BNIP5: variants seen among roughly 807,000 people sequenced by gnomAD.
BNIP5 encodes the protein protein BNIP5.
BNIP5 carries 61 observed loss-of-function variants against 67.3 expected under a neutral mutation model. The ratio of observed to expected loss-of-function variants is 0.91; its 90% CI spans 0.74 to 1.12. BNIP5 has a LOEUF of 1.12. Among genes scored for constraint, BNIP5 ranks in the 50% most tolerant of loss-of-function variants. The pLI is 0.00. For missense variants in BNIP5, 826 were observed against 816.3 expected (o/e 1.01, Z -0.14); for synonymous variants, 317 against 319.0 (o/e 0.99, Z 0.07).
At chr6:36,327,327 T>G (rs1209821839) in intron 3 of BNIP5, among the ~76,000 whole-genome samples, 1 of 152,196 alleles carries the variant, frequency 6.6e-6, no homozygotes, top group Non-Finnish European at 1.5e-5. Context: ...CTTCAGGCAT[T>G]CAACCTGTGC....
intron 1 of BNIP5, among the ~76,000 whole-genome samples, chr6:36,331,824 G>A (rs954654491): frequency 1.3e-5 from 2 of 151,972 alleles, no homozygotes; most frequent in Non-Finnish European, 2.9e-5. Flanking sequence ...GCCACTGCTG[G>A]CCTCCTTTCT....
At chr6:36,323,145 A>C in intron 8 of BNIP5, 148 bp downstream of exon 8, 1 of 1,161,838 alleles carries the variant, frequency 8.6e-7, no homozygotes. Context: ...CACACCCCCC[A>C]CTCTACTCAG....
intron 1 of BNIP5, 119 bp from the exon 2 acceptor site, chr6:36,330,813 G>A (rs1771888943): frequency 1.5e-6 from 2 of 1,314,000 alleles, no homozygotes; most frequent in African/African-American, 1.5e-5. Context: ...GCCCAGGCTG[G>A]AGTGCAGTGG....
chr6:36,329,485 C>T (rs769145336), intron 2 of BNIP5, among the ~76,000 whole-genome samples: 17 of 152,184 alleles, frequency 1.1e-4, no homozygotes, highest in African/African-American at 2.9e-4. Flanking sequence ...CTCCCTGGAG[C>T]GCTCAGCCAC....
At chr6:36,328,184 G>T (rs1771806127) in intron 3 of BNIP5, among the ~76,000 whole-genome samples, 1 of 152,144 alleles carries the variant, frequency 6.6e-6, no homozygotes, top group Non-Finnish European at 1.5e-5. Context: ...AAATGATTCA[G>T]CAACAAAATG....
intron 10 of BNIP5, among the ~76,000 whole-genome samples, chr6:36,320,029 T>C (rs1302078239): frequency 1.3e-5 from 2 of 152,232 alleles, no homozygotes; most frequent in Non-Finnish European, 2.9e-5. Context: ...AACCCCAGGA[T>C]TGCTGGGCGG....
chr6:36,336,017 A>G (rs1160951678), intron 1 of BNIP5, among the ~76,000 whole-genome samples: 1 of 152,182 alleles, frequency 6.6e-6, no homozygotes, highest in Non-Finnish European at 1.5e-5. Context: ...GCCTAGGTAT[A>G]GACACCCATG....
Position 36,325,418 on chromosome 6 carries a change from A to C in BNIP5, c.1037-4T>G. 1 of 1,608,262 alleles carries C rather than the reference A, an allele frequency of 6.2e-7. No individual in the cohort carries two copies. Among genetic ancestry groups the C allele is most frequent in the Non-Finnish European group, 8.5e-7 (1 of 1,177,716 alleles). On this transcript the variant is annotated splice_polypyrimidine_tract_variant and splice_region_variant and intron_variant, in intron 5 of 11. Transcript: ENST00000437635. ...TGGACTTTAGGTTCTTCCAAGCCTG[A>C]GAAGCAGAAGGAGAACGAGGGTGTG... is the stretch of plus-strand genomic sequence containing the variant.
chr6:36,326,392 G>C (rs1771760970), intron 5 of BNIP5, 118 bp downstream of exon 5: 2 of 1,288,186 alleles, frequency 1.6e-6, no homozygotes, highest in Non-Finnish European at 2.1e-6. Context: ...TCAGGGCAGA[G>C]TGCAAAAGTC....
At position 36,330,551 on chromosome 6, in the gene BNIP5, G is replaced by T; in HGVS notation, c.140C>A (p.Ala47Glu). ...LSLPTAPSRK[A>E]LHWTTSDWAR... ...CCAATCACTGGTCGTCCAGTGAAGC[G>T]CCTTCCTGGAGGGGGCAGTGGGCAG... Residue 47 changes from alanine to glutamate, a missense_variant, in exon 2 of 12, where the codon GCG becomes GAG. Ala to Glu is a moderately radical substitution (Grantham distance 107, BLOSUM62 -1). Transcript: ENST00000437635. 6.2e-7 allele frequency: 1 copy of T among 1,613,924 alleles called. No individual in the cohort carries two copies. Among genetic ancestry groups the T allele is most frequent in the South Asian group, 1.1e-5 (1 of 91,086 alleles).
At chr6:36,326,457 C>T (rs1771762283) in intron 5 of BNIP5, 53 bp downstream of exon 5, 1 of 1,607,450 alleles carries the variant, frequency 6.2e-7, no homozygotes, top group Non-Finnish European at 8.5e-7. Flanking sequence ...AGGGAAGGTT[C>T]CAGAGCTGGA....
At position 36,330,066 on chromosome 6, in the gene BNIP5, G is replaced by A. The variant is rs200435716; in HGVS notation, c.610+15C>T. 53 of 1,582,896 alleles carry A rather than the reference G, an allele frequency of 3.3e-5. No homozygotes were observed. In the South Asian group the frequency reaches 4.6e-4, roughly 14 times the overall value. Reference sequence around the variant, plus strand: ...ACCCTAGGGGTTGCCATAGGAACAGGCACGGTCCGCTCACCCCTGCGAGCT... The same window carrying A: ...ACCCTAGGGGTTGCCATAGGAACAGACACGGTCCGCTCACCCCTGCGAGCT... On this transcript the variant is annotated intron_variant, in intron 2 of 11. Transcript: ENST00000437635.
Position 36,319,586 on chromosome 6 carries a change from T to C in BNIP5, c.1693A>G (p.Arg565Gly). 1.2e-6 allele frequency: 2 copies of C among 1,612,614 alleles called. No individual in the cohort carries two copies. The highest frequency in any genetic ancestry group is 1.7e-6 in the Non-Finnish European group (2 of 1,178,774). ...QQIRRHPSFK[R>G]FFYEFSDSSL... The stretch of plus-strand genomic sequence containing the variant: ...GAGTCCGAGAACTCGTAAAAAAACC[T>C]CTTAAAGCTGGGGTGGCGCCTGATC... Residue 565 changes from arginine (R) to glycine (G), a missense_variant, in exon 11 of 12, where the codon AGG becomes GGG. Transcript: ENST00000437635.
At chr6:36,319,260 G>A in intron 11 of BNIP5, 96 bp downstream of exon 11, 1 of 1,464,132 alleles carries the variant, frequency 6.8e-7, no homozygotes, top group South Asian at 1.3e-5. Context: ...CTGAGCAGGG[G>A]AGGGGAGAGG....
chr6:36,324,392 G>C (rs1403370536), intron 6 of BNIP5, among the ~76,000 whole-genome samples: 2 of 150,764 alleles, frequency 1.3e-5, no homozygotes, highest in East Asian at 2.0e-4. Context: ...AGACACCCAG[G>C]AGGAGGCCCC....
rs1771503090 is a variant in BNIP5 at position 36,315,825 on chromosome 6, C to A, written c.*1531G>T. On this transcript the variant is annotated 3_prime_UTR_variant, in exon 12 of 12. Transcript: ENST00000437635. ...AAAAATGAGACTCAGATGCCAGCAT[C>A]AGGAGCACATACCAAATACTCATAG... 1 of 152,630 alleles carries A rather than the reference C, an allele frequency of 6.6e-6. No individual in the cohort carries two copies. Among genetic ancestry groups the A allele is most frequent in the Non-Finnish European group, 1.5e-5 (1 of 68,036 alleles). The allele number at this position is 152,630 out of a possible 1,614,324, so 9.5% of individuals were successfully genotyped here.
rs2127363960 is a variant in BNIP5 at position 36,322,308 on chromosome 6, G to A, written c.1603+3C>T. 1.9e-6 allele frequency: 3 copies of A among 1,614,036 alleles called. No homozygotes were observed. The highest frequency in any genetic ancestry group is 1.7e-6 in the Non-Finnish European group (2 of 1,179,980). ...TCCAGGTAAGAGCAGGGGTGTTACTGACTAGATTCACATGCTCCACTCAGC... is the reference window on the plus strand; with the variant it reads ...TCCAGGTAAGAGCAGGGGTGTTACTAACTAGATTCACATGCTCCACTCAGC... On this transcript the variant is annotated splice_donor_region_variant and intron_variant, in intron 9 of 11. Coordinates refer to ENST00000437635, the MANE Select transcript of BNIP5 (RefSeq NM_001010903.5).
intron 1 of BNIP5, among the ~76,000 whole-genome samples, chr6:36,335,850 A>G (rs914904273): frequency 5.3e-5 from 8 of 152,188 alleles, no homozygotes; most frequent in Non-Finnish European, 1.2e-4. Context: ...TACATTCTCT[A>G]TTCTACACCA....
Position 36,330,578 on chromosome 6 carries a change from G to A in BNIP5, c.113C>T (p.Ser38Phe). Residue 38 changes from serine (S) to phenylalanine (F), a missense_variant, in exon 2 of 12, where the codon TCC (serine) becomes TTC (phenylalanine). By Grantham distance (155) the Ser-to-Phe change is radical. Transcript: ENST00000437635. ...CTTCCTGGAGGGGGCAGTGGGCAGG[G>A]AGAGCCAATGGCAGTCCCACGACTC... ...GSESWDCHWL[S>F]LPTAPSRKAL... is the part of the protein sequence containing the mutation. The A allele has an allele frequency of 1.4e-5, 23 of 1,613,452 alleles. No homozygotes were observed. Among genetic ancestry groups the A allele is most frequent in the Non-Finnish European group, 1.9e-5 (23 of 1,180,038 alleles).
Sources: allele counts gnomAD v4.1 joint callset (sites outside exome capture counted in the v4.1 genomes callset), GRCh38; gene constraint gnomAD v4.1.1; transcripts MANE v1.5; gene names NCBI Gene and HGNC (gene_info 2026-07-23, HGNC 2026-07-21).